Variants in NR3C1 observed in about 807,000 individuals in gnomAD.
The protein encoded by NR3C1 is glucocorticoid receptor.
Under a neutral mutation model 74.0 loss-of-function variants are expected in NR3C1, and 14 were observed. The observed-to-expected ratio is 0.19, with a 90% CI of 0.12 to 0.30. The LOEUF (loss-of-function observed/expected upper bound fraction) is 0.30, where lower values mean the gene tolerates loss of function less well. Ranked by LOEUF, NR3C1 falls within the 10% of genes least tolerant of loss-of-function variation. The pLI, the probability that NR3C1 is intolerant of heterozygous loss-of-function variation, is 1.00. For missense variants in NR3C1, 695 were observed against 909.8 expected, an observed-to-expected ratio of 0.76 and a Z score of 3.04; for synonymous variants, 308 against 332.5, an observed-to-expected ratio of 0.93 and a Z score of 0.80.
intron 2 of NR3C1, among the ~76,000 whole-genome samples, chr5:143,354,679 T>C (rs1161466561): frequency 6.6e-6 from 1 of 152,002 alleles, no homozygotes; most frequent in Admixed American, 6.6e-5. Flanking sequence ...TCCCAGCACT[T>C]TGGGAGGCCA....
intron 2 of NR3C1, among the ~76,000 whole-genome samples, chr5:143,343,147 A>T (rs1828563760): frequency 6.6e-6 from 1 of 152,242 alleles, no homozygotes; most frequent in Non-Finnish European, 1.5e-5. Context: ...CACAATGGTC[A>T]TACTGCCTTT....
intron 2 of NR3C1, among the ~76,000 whole-genome samples, chr5:143,389,069 C>T (rs1486913701): frequency 6.6e-6 from 1 of 152,162 alleles, no homozygotes; most frequent in African/African-American, 2.4e-5. Context: ...GTTTCCCATT[C>T]ATTCATGCAC....
At chr5:143,309,761 C>A (rs1339561947) in intron 4 of NR3C1, among the ~76,000 whole-genome samples, 2 of 152,000 alleles carry the variant, frequency 1.3e-5, no homozygotes, top group African/African-American at 2.4e-5. Context: ...CATTTCCAAC[C>A]CTAGGGAATA....
chr5:143,341,543 A>C (rs534849369), intron 2 of NR3C1, among the ~76,000 whole-genome samples: 1 of 152,346 alleles, frequency 6.6e-6, no homozygotes, highest in East Asian at 1.9e-4. Context: ...TAACTACCCC[A>C]AGTAACATCC....
At chr5:143,420,944 T>C (rs879642161) in intron 1 of NR3C1, among the ~76,000 whole-genome samples, 1 of 152,208 alleles carries the variant, frequency 6.6e-6, no homozygotes, top group Non-Finnish European at 1.5e-5. Flanking sequence ...TCCAACTTTT[T>C]TTGCTACAAA....
intron 2 of NR3C1, among the ~76,000 whole-genome samples, chr5:143,315,943 C>G (rs1821985592): frequency 6.6e-6 from 1 of 152,184 alleles, no homozygotes; most frequent in African/African-American, 2.4e-5. Flanking sequence ...ATTCCCACCA[C>G]CCTAATTCTG....
intron 2 of NR3C1, among the ~76,000 whole-genome samples, chr5:143,327,926 A>C (rs1319725550): frequency 6.6e-6 from 1 of 152,218 alleles, no homozygotes; most frequent in Non-Finnish European, 1.5e-5. Flanking sequence ...TGGAGGACAG[A>C]GGCCCTCTTC....
chr5:143,418,083 A>G (rs1327843144), intron 1 of NR3C1, among the ~76,000 whole-genome samples: 1 of 152,194 alleles, frequency 6.6e-6, no homozygotes, highest in Non-Finnish European at 1.5e-5. Flanking sequence ...AGTCTCATTG[A>G]TTTGCCAAGA....
At chr5:143,404,237 G>A (rs1424028209), upstream of NR3C1, 5 of 985,386 alleles carry the variant, frequency 5.1e-6, no homozygotes, top group Admixed American at 3.1e-4. Flanking sequence ...CGTGAAGTGT[G>A]TCACTTCGAA....
In NR3C1 at chr5:143,399,668, T is replaced by C. The variant is rs1839879539; in HGVS notation, c.1172A>G (p.Asn391Ser). Residue 391 changes from asparagine (N) to serine (S), a missense_variant, in exon 2 of 9, where the codon AAT (asparagine) becomes AGT (serine). Physicochemically the swap from Asn to Ser is conservative, Grantham distance 46. This residue lies in a region of NR3C1 where 497 missense variants were observed against 489.5 expected (regional missense o/e 1.02). Transcript: ENST00000394464. ...LNFPGRTVFS[N>S]GYSSPSMRPD... ...ACACTGATCTTACCTTGAATAGCCA[T>C]TAGAAAAAACTGTTCGACCAGGGAA... The C allele has an allele frequency of 6.2e-7, 1 of 1,612,378 alleles. No individual in the cohort carries two copies.
intron 2 of NR3C1, among the ~76,000 whole-genome samples, chr5:143,378,216 A>T (rs931502305): frequency 6.6e-6 from 1 of 152,060 alleles, no homozygotes; most frequent in African/African-American, 2.4e-5. Flanking sequence ...GCCCCATTGC[A>T]CTCCAGCCTG....
intron 4 of NR3C1, among the ~76,000 whole-genome samples, chr5:143,308,445 C>CA (rs1193747546): frequency 2.6e-5 from 4 of 152,122 alleles, no homozygotes; most frequent in Non-Finnish European, 5.9e-5. Context: ...GCCTGGGTGA[C>CA]AAGAGTTAGA....
chr5:143,359,517 T>C (rs892030631), intron 2 of NR3C1, among the ~76,000 whole-genome samples: 1 of 152,246 alleles, frequency 6.6e-6, no homozygotes, highest in African/African-American at 2.4e-5. Context: ...CTGAAGTGTT[T>C]GCTTTTACAA....
intron 4 of NR3C1, among the ~76,000 whole-genome samples, chr5:143,302,324 C>G (rs926497057): frequency 3.9e-5 from 6 of 152,012 alleles, no homozygotes; most frequent in African/African-American, 1.4e-4. Flanking sequence ...ATTTGGATAT[C>G]ACAACTTAAT....
chr5:143,302,076 T>C (rs1165238244), intron 4 of NR3C1, among the ~76,000 whole-genome samples: 1 of 152,114 alleles, frequency 6.6e-6, no homozygotes, highest in Non-Finnish European at 1.5e-5. Context: ...ATCAGCATAT[T>C]TGGATTTAAG....
At chr5:143,404,620 C>T, upstream of NR3C1, 1 of 629,260 alleles carries the variant, frequency 1.6e-6, no homozygotes, top group Non-Finnish European at 2.0e-6. Flanking sequence ...TGTGCTCACA[C>T]TCGAAGGAAG....
At chr5:143,291,533 C>T (rs1181343206) in intron 7 of NR3C1, among the ~76,000 whole-genome samples, 1 of 63,462 alleles carries the variant, frequency 1.6e-5, no homozygotes, top group Admixed American at 1.4e-4. Flanking sequence ...TGGGATATAT[C>T]CTCTAATAAT....
intron 1 of NR3C1, among the ~76,000 whole-genome samples, chr5:143,410,002 A>G (rs1463279303): frequency 6.6e-6 from 1 of 152,234 alleles, no homozygotes; most frequent in Non-Finnish European, 1.5e-5. Context: ...ACCTGATTCA[A>G]GGATGAGGCA....
intron 2 of NR3C1, among the ~76,000 whole-genome samples, chr5:143,334,335 T>A (rs924291079): frequency 9.9e-5 from 15 of 151,974 alleles, no homozygotes; most frequent in African/African-American, 3.4e-4. Context: ...TGAGCTGAGA[T>A]CACGCCATTG....
Sources: gnomAD v4.1 joint callset for allele counts (sites outside exome capture counted in the v4.1 genomes callset) on GRCh38, gnomAD v4.1.1 for gene constraint, gnomAD v4.1.1 regional missense constraint, MANE v1.5 for transcripts, NCBI Gene and HGNC (gene_info 2026-07-23, HGNC 2026-07-21) for gene names.